GABRG1: variants seen among roughly 807,000 people sequenced by gnomAD.
The protein encoded by GABRG1 is gamma-aminobutyric acid receptor subunit gamma-1.
GABRG1 carries 49 observed loss-of-function variants against 49.8 expected under a neutral mutation model. The ratio of observed to expected loss-of-function variants is 0.98; its 90% CI spans 0.78 to 1.25. GABRG1 has a LOEUF of 1.25. Ranked by LOEUF, GABRG1 falls within the 50% of genes most tolerant of loss-of-function variation. The pLI is 0.00. For synonymous variants in GABRG1, 232 were observed against 185.1 expected, an observed-to-expected ratio of 1.25 and a Z score of -2.06; for missense variants, 552 against 552.3, an observed-to-expected ratio of 1.00 and a Z score of 0.01.
At position 46,073,926 on chromosome 4, in the gene GABRG1, C is replaced by T. The variant is rs185440221; in HGVS notation, c.322-8342G>A. On this transcript the variant is annotated intron_variant, in intron 3 of 8. Transcript: ENST00000295452. ...TTGGATCATTGTTGACCATGGGTAA[C>T]TGAAACCACAGAAAGCAAAACCACA... 8.5e-5 allele frequency among the ~76,000 whole-genome samples: 13 copies of T among 152,204 alleles called. No homozygotes were observed. The East Asian group carries it at 2.5e-3, about 30-fold the overall frequency.
At position 46,055,038 on chromosome 4, in the gene GABRG1, G is replaced by A. The variant is rs1377284365; in HGVS notation, c.916+3179C>T. Among the ~76,000 whole-genome samples, 12 of 86,212 alleles carry A rather than the reference G, an allele frequency of 1.4e-4. 2 individuals carry two copies. Among genetic ancestry groups the A allele is most frequent in the East Asian group, 5.7e-4 (2 of 3,524 alleles). The allele number at this position is 86,212 out of a possible 152,430, so 56.6% of individuals were successfully genotyped here. A position where few individuals can be genotyped will look rare whatever the true frequency, so the allele number is the denominator to read the frequency against. ...AGGCATTACCATTCAGGACATAGGC[G>A]TGGGCAAGGACTTCATGTCCAAAAC... On this transcript the variant is annotated intron_variant, in intron 7 of 8. Transcript: ENST00000295452.
chr4:46,069,353 A>T (rs1719034390), intron 3 of GABRG1, among the ~76,000 whole-genome samples: 1 of 152,226 alleles, frequency 6.6e-6, no homozygotes, highest in Admixed American at 6.6e-5. Flanking sequence ...AGACATGTAG[A>T]GAAAAAGTAC....
chr4:46,090,333 T>G (rs1486696807), intron 2 of GABRG1, among the ~76,000 whole-genome samples: 1 of 152,010 alleles, frequency 6.6e-6, no homozygotes, highest in Non-Finnish European at 1.5e-5. Context: ...CTGAAATAAA[T>G]GTACCTAAAA....
At chr4:46,112,836 C>T (rs1012156764) in intron 1 of GABRG1, among the ~76,000 whole-genome samples, 28 of 150,868 alleles carry the variant, frequency 1.9e-4, no homozygotes, top group Admixed American at 1.8e-3. Flanking sequence ...TACTATGATT[C>T]GTATATCGCT....
intron 7 of GABRG1, among the ~76,000 whole-genome samples, chr4:46,057,652 C>T (rs1239373000): frequency 6.6e-6 from 1 of 152,052 alleles, no homozygotes; most frequent in Non-Finnish European, 1.5e-5. Context: ...TGTTATTCTA[C>T]AGGCAACTAC....
At chr4:46,084,596 A>G (rs1441939149) in intron 2 of GABRG1, among the ~76,000 whole-genome samples, 1 of 151,672 alleles carries the variant, frequency 6.6e-6, no homozygotes, top group Non-Finnish European at 1.5e-5. Context: ...TTTTAGAACA[A>G]TATTTTACCC....
rs765340305 is a variant in GABRG1, at chr4:46,041,195, C to G, written c.1191G>C (p.Pro397=). ...ACTGATACCCATAATCATCTTCTTG[C>G]GGCACAGAAATATTATTCATTGGAA... The part of the protein sequence containing the change: ...TLIPMNNISV[P]QEDDYGYQCL... The change falls in exon 9 of 9, where the codon CCG becomes CCC. Residue 397 remains proline (P), a synonymous_variant. Coordinates refer to ENST00000295452, the MANE Select transcript of GABRG1 (RefSeq NM_173536.4). 1 of 1,612,770 alleles carries G rather than the reference C, an allele frequency of 6.2e-7. No homozygotes were observed. Among genetic ancestry groups the G allele is most frequent in the Admixed American group, 1.7e-5 (1 of 59,802 alleles).
chr4:46,122,332 G>C (rs1044635381), intron 1 of GABRG1, among the ~76,000 whole-genome samples: 1 of 151,920 alleles, frequency 6.6e-6, no homozygotes, highest in African/African-American at 2.4e-5. Context: ...AATGATAAAA[G>C]GTTGTTATTT....
chr4:46,058,606 A>C lies in GABRG1; in HGVS notation c.642T>G (p.Asn214Lys), dbSNP rs1718547688. Residue 214 changes from asparagine (N) to lysine (K), a missense_variant, in exon 6 of 9, where the codon AAT (asparagine) becomes AAG (lysine). Physicochemically the swap from Asn to Lys is moderately conservative, Grantham distance 94. Transcript: ENST00000295452. Reference sequence around the variant, plus strand: ...GCTTTTTCCACTTATACTCAATTTCATTTTTAGGGTATCCATCTATAGAGA... The same window carrying C: ...GCTTTTTCCACTTATACTCAATTTCCTTTTTAGGGTATCCATCTATAGAGA... ...LEFSSYGYPK[N>K]EIEYKWKKPS... The C allele has an allele frequency of 6.2e-7, 1 of 1,612,016 alleles. No individual in the cohort carries two copies. Among genetic ancestry groups the C allele is most frequent in the African/African-American group, 1.3e-5 (1 of 74,838 alleles).
chr4:46,075,132 G>A (rs984725011), intron 3 of GABRG1, among the ~76,000 whole-genome samples: 89 of 151,626 alleles, frequency 5.9e-4, no homozygotes, highest in African/African-American at 2.0e-3. Context: ...AGATGAACAC[G>A]GTTTCTTTCA....
chr4:46,083,005 C>T (rs781648417), intron 3 of GABRG1, among the ~76,000 whole-genome samples: 4 of 151,506 alleles, frequency 2.6e-5, no homozygotes, highest in Non-Finnish European at 5.9e-5. Flanking sequence ...TAACTTCTTC[C>T]CTGATAGCAA....
intron 7 of GABRG1, among the ~76,000 whole-genome samples, chr4:46,057,295 T>C (rs1718489708): frequency 6.6e-6 from 1 of 152,130 alleles, no homozygotes; most frequent in South Asian, 2.1e-4. Flanking sequence ...ACCTGCATTT[T>C]ACTGTACTTA....
chr4:46,065,319 TG>T, intron 4 of GABRG1, 44 bp downstream of exon 4: 4 of 1,305,018 alleles, frequency 3.1e-6, no homozygotes, highest in Non-Finnish European at 4.3e-6. Flanking sequence ...AATATTAGTA[TG>T]GAAAATAAAT....
At chr4:46,068,941 T>C (rs1231494181) in intron 3 of GABRG1, among the ~76,000 whole-genome samples, 1 of 152,122 alleles carries the variant, frequency 6.6e-6, no homozygotes, top group Non-Finnish European at 1.5e-5. Flanking sequence ...CAATGTACTT[T>C]ACAAAATGTG....
At chr4:46,099,754 G>C (rs1037904303) in intron 1 of GABRG1, among the ~76,000 whole-genome samples, 1 of 151,560 alleles carries the variant, frequency 6.6e-6, no homozygotes, top group African/African-American at 2.4e-5. Flanking sequence ...CCTCAAGAAA[G>C]CTTTCTAGTA....
In GABRG1 at chr4:46,114,980, G is replaced by C. The variant is rs1228109462; in HGVS notation, c.104+8830C>G. Among the ~76,000 whole-genome samples, 10 of 150,458 alleles carry C rather than the reference G, an allele frequency of 6.6e-5. No homozygotes were observed. In the Admixed American group the frequency reaches 6.7e-4, roughly 10 times the overall value. On this transcript the variant is annotated intron_variant, in intron 1 of 8. Transcript: ENST00000295452. ...AGGAACATAAGGACAGAAAAAAAAAGACAAAGTAAATATTTTGCCTATAAA... is the reference window on the plus strand; with the variant it reads ...AGGAACATAAGGACAGAAAAAAAAACACAAAGTAAATATTTTGCCTATAAA...
At position 46,036,564 on chromosome 4, in the gene GABRG1, T is replaced by C. The variant is rs1465149994; in HGVS notation, c.*4424A>G. On this transcript the variant is annotated 3_prime_UTR_variant, in exon 9 of 9. Transcript: ENST00000295452. ...ATGCAAGCAAGTATCTACTACAGGA[T>C]CCCTTCCACCCAACACACCATGTCT... is the stretch of plus-strand genomic sequence containing the variant. 6.6e-6 allele frequency: 1 copy of C among 151,936 alleles called. No individual in the cohort carries two copies. Among genetic ancestry groups the C allele is most frequent in the Admixed American group, 6.6e-5 (1 of 15,206 alleles). 9.4% of individuals were successfully genotyped at this position (151,936 alleles called of 1,614,324 possible).
intron 1 of GABRG1, among the ~76,000 whole-genome samples, chr4:46,123,267 AT>A (rs1253819181): frequency 6.6e-6 from 1 of 152,000 alleles, no homozygotes. Context: ...GATACTATAC[AT>A]TTTTAATGCT....
chr4:46,109,690 A>G (rs1323052026), intron 1 of GABRG1, among the ~76,000 whole-genome samples: 1 of 151,048 alleles, frequency 6.6e-6, no homozygotes, highest in African/African-American at 2.4e-5. Flanking sequence ...TTGCAGCATA[A>G]CAGAGACTTT....
Sources: gnomAD v4.1 joint callset for allele counts (sites outside exome capture counted in the v4.1 genomes callset) on GRCh38, gnomAD v4.1.1 for gene constraint, MANE v1.5 for transcripts, NCBI Gene and HGNC (gene_info 2026-07-23, HGNC 2026-07-21) for gene names.